The following CACNA1D variants were observed in gnomAD, a reference collection of about 807,000 sequenced individuals.
The protein encoded by CACNA1D is voltage-dependent L-type calcium channel subunit alpha-1D.
CACNA1D carries 55 observed loss-of-function variants against 257.1 expected under a neutral mutation model. That is an observed-to-expected ratio of 0.21 (90% CI 0.17 to 0.27). The LOEUF is 0.27. CACNA1D is among the 10% of genes least tolerant of loss of function. CACNA1D has a pLI of 1.00. For synonymous variants in CACNA1D, 980 were observed against 1,014.9 expected (o/e 0.97, Z 0.65); for missense variants, 1,876 against 2,784.0 (o/e 0.67, Z 7.34).
intron 3 of CACNA1D, among the ~76,000 whole-genome samples, chr3:53,597,723 A>G (rs781460374): frequency 6.6e-6 from 1 of 152,166 alleles, no homozygotes; most frequent in Non-Finnish European, 1.5e-5. Flanking sequence ...AGAGGCTTGT[A>G]CAGGAGACAC....
chr3:53,729,428 C>T (rs1038388700), intron 15 of CACNA1D, among the ~76,000 whole-genome samples: 1 of 152,138 alleles, frequency 6.6e-6, no homozygotes, highest in Non-Finnish European at 1.5e-5. Flanking sequence ...GTCTCGGGGT[C>T]TCTGGGCTCC....
intron 19 of CACNA1D, among the ~76,000 whole-genome samples, chr3:53,734,016 G>GTGTATA (rs1412072447): frequency 2.3e-4 from 30 of 131,694 alleles, no homozygotes; most frequent in Middle Eastern, 3.9e-3. Context: ...ATATGTGTGT[G>GTGTATA]TATATATATA....
chr3:53,770,350 C>T (rs1275647373), intron 31 of CACNA1D, 74 bp from the exon 32 acceptor site: 1 of 1,384,640 alleles, frequency 7.2e-7, no homozygotes, highest in Non-Finnish European at 1.0e-6. Flanking sequence ...ACCTTTGCAT[C>T]TGTTGCTGTT....
Position 53,748,787 on chromosome 3 carries a change from A to G in CACNA1D, c.3315-481A>G, listed in dbSNP as rs528131063. Among the ~76,000 whole-genome samples, 10 of 152,282 alleles carry G rather than the reference A, an allele frequency of 6.6e-5. No homozygotes were observed. In the East Asian group the frequency reaches 1.4e-3, roughly 21 times the overall value. Reference sequence around the variant, plus strand: ...TGAATCTGCATCAGAATGGGGATCAATGGACCCCAAGGGTGTTACAGTAAT... The same window carrying G: ...TGAATCTGCATCAGAATGGGGATCAGTGGACCCCAAGGGTGTTACAGTAAT... On this transcript the variant is annotated intron_variant, in intron 26 of 47. Transcript: ENST00000350061.
At chr3:53,642,683 C>A (rs924364233) in intron 3 of CACNA1D, among the ~76,000 whole-genome samples, 2 of 152,250 alleles carry the variant, frequency 1.3e-5, no homozygotes, top group African/African-American at 4.8e-5. Flanking sequence ...AAGCTGGGCT[C>A]CGTAGAGTGG....
In CACNA1D at chr3:53,718,349, G is replaced by A. The variant is rs199737839; in HGVS notation, c.1439G>A (p.Ser480Asn). The change falls in exon 10 of 48, where the codon AGC becomes AAC. Residue 480 changes from serine to asparagine, a missense_variant. Ser to Asn is a conservative substitution (Grantham distance 46). Coordinates refer to ENST00000350061, the MANE Select transcript of CACNA1D (RefSeq NM_001128840.3). ...GAGTCTGTGAACACAGAGAACGTCA[G>A]CGGTGAAGGCGAGAACCGAGGCTGC... ...ETESVNTENV[S>N]GEGENRGCCG... 1.9e-5 allele frequency: 31 copies of A among 1,614,224 alleles called. No individual in the cohort carries two copies. The South Asian group carries it at 3.2e-4, about 17-fold the overall frequency.
At chr3:53,512,077 CT>C (rs1225949066) in intron 3 of CACNA1D, among the ~76,000 whole-genome samples, 2 of 152,126 alleles carry the variant, frequency 1.3e-5, no homozygotes, top group African/African-American at 2.4e-5. Context: ...AAATGCTGCC[CT>C]TTTATGTCAG....
Position 53,774,434 on chromosome 3 carries a change from C to T in CACNA1D, c.4111-153C>T. ...ACCTGCTGCCTGGCACATGGTTGTG[C>T]CTGGCAGATCTTTTTTGAATGAGTG... On this transcript the variant is annotated intron_variant, in intron 33 of 47. Transcript: ENST00000350061. The surrounding 1 kb of genome is among the most constrained non-coding windows in gnomAD (Gnocchi z 4.3). 1 of 657,620 alleles carries T rather than the reference C, an allele frequency of 1.5e-6. No individual in the cohort carries two copies. 40.7% of individuals were successfully genotyped at this position (657,620 alleles called of 1,614,324 possible).
At chr3:53,619,354 T>TGAAGATCATAGGTTCA (rs1394150390) in intron 3 of CACNA1D, among the ~76,000 whole-genome samples, 2 of 152,242 alleles carry the variant, frequency 1.3e-5, no homozygotes, top group African/African-American at 4.8e-5. Context: ...CATTCCTCTG[T>TGAAGATCATAGGTTCA]GAAGATCATA....
At chr3:53,794,989 G>A (rs2095501241) in intron 40 of CACNA1D, among the ~76,000 whole-genome samples, 1 of 152,184 alleles carries the variant, frequency 6.6e-6, no homozygotes, top group South Asian at 2.1e-4. Flanking sequence ...CCTGTGCAGT[G>A]GCACTGCCCT....
intron 9 of CACNA1D, among the ~76,000 whole-genome samples, chr3:53,704,196 C>T (rs1364110316): frequency 6.6e-6 from 1 of 152,076 alleles, no homozygotes; most frequent in Admixed American, 6.5e-5. Context: ...TGAGAGACCC[C>T]TGGTGGAGAG....
At chr3:53,708,889 G>C (rs1055865940) in intron 9 of CACNA1D, among the ~76,000 whole-genome samples, 6 of 152,094 alleles carry the variant, frequency 3.9e-5, no homozygotes, top group Admixed American at 3.9e-4. Flanking sequence ...ACCCTAAGAT[G>C]CCCAACACAG....
chr3:53,711,700 A>T (rs1283702356), intron 9 of CACNA1D, among the ~76,000 whole-genome samples: 1 of 152,232 alleles, frequency 6.6e-6, no homozygotes, highest in Non-Finnish European at 1.5e-5. Context: ...CTGAGAGGTT[A>T]TGGGACGCAG....
intron 3 of CACNA1D, among the ~76,000 whole-genome samples, chr3:53,538,220 T>C (rs147165354): frequency 1.4e-5 from 2 of 144,948 alleles, no homozygotes; most frequent in East Asian, 4.3e-4. Context: ...TGATCTTGGC[T>C]CACTGCAACC....
chr3:53,537,865 G>C (rs1348364287), intron 3 of CACNA1D, among the ~76,000 whole-genome samples: 8 of 152,114 alleles, frequency 5.3e-5, no homozygotes. Flanking sequence ...TGTGAATTTG[G>C]TAGTTGGACC....
Position 53,723,813 on chromosome 3 carries a change from C to G in CACNA1D, c.1914C>G (p.Asn638Lys). 6.2e-7 allele frequency: 1 copy of G among 1,614,126 alleles called. No individual in the cohort carries two copies. The highest frequency in any genetic ancestry group is 8.5e-7 in the Non-Finnish European group (1 of 1,179,952). ...KVTRHWTSLS[N>K]LVASLLNSMK... ...ATAGGCACTGGACTTCCCTGAGCAACTTAGTGGCATCCTTATTAAACTCCA... is the reference window on the plus strand; with the variant it reads ...ATAGGCACTGGACTTCCCTGAGCAAGTTAGTGGCATCCTTATTAAACTCCA... The change falls in exon 14 of 48, where the codon AAC becomes AAG. Residue 638 changes from asparagine to lysine, a missense_variant. By Grantham distance (94) the Asn-to-Lys change is moderately conservative (BLOSUM62 0). This residue lies in a region of CACNA1D where 257 missense variants were observed against 399.7 expected (regional missense o/e 0.64). Coordinates refer to ENST00000350061, the MANE Select transcript of CACNA1D (RefSeq NM_001128840.3). This position sits in a 1 kb window ranked among gnomAD's most constrained non-coding sequence, Gnocchi z 5.6.
At chr3:53,670,301 G>T (rs939982019) in intron 7 of CACNA1D, among the ~76,000 whole-genome samples, 2 of 152,160 alleles carry the variant, frequency 1.3e-5, no homozygotes, top group Non-Finnish European at 2.9e-5. Context: ...CCTTGCATTG[G>T]TCTATAACTT....
intron 2 of CACNA1D, among the ~76,000 whole-genome samples, chr3:53,500,432 C>CAAA (rs34272886): frequency 8.9e-6 from 1 of 112,918 alleles, no homozygotes; most frequent in Non-Finnish European, 1.9e-5. Context: ...GACCCCATCT[C>CAAA]AAAAAAAAAA....
intron 1 of CACNA1D, among the ~76,000 whole-genome samples, chr3:53,496,718 CT>C (rs199676445): frequency 2.0e-4 from 30 of 151,242 alleles, no homozygotes; most frequent in East Asian, 3.9e-4. Context: ...TTGGTACTGC[CT>C]TTTTTTTTCC....
Sources: gnomAD v4.1 joint callset for allele counts (sites outside exome capture counted in the v4.1 genomes callset) on GRCh38, gnomAD v4.1.1 for gene constraint, gnomAD v4.1.1 regional missense constraint, Gnocchi (gnomAD v3.1) non-coding constraint, MANE v1.5 for transcripts, NCBI Gene and HGNC (gene_info 2026-07-23, HGNC 2026-07-21) for gene names.